JAM2: variants seen among roughly 807,000 people sequenced by gnomAD.
JAM2 encodes the protein junctional adhesion molecule 2.
In JAM2, 17 loss-of-function variants were observed where a neutral mutation model predicts 42.0. That is an observed-to-expected ratio of 0.40 (90% CI 0.28 to 0.61). The LOEUF is 0.61. Among genes scored for constraint, JAM2 ranks in the 20% least tolerant of loss-of-function variants. The pLI is 0.37. For missense variants in JAM2, 319 were observed against 358.3 expected, an observed-to-expected ratio of 0.89 and a Z score of 0.89; for synonymous variants, 118 against 128.6, an observed-to-expected ratio of 0.92 and a Z score of 0.56.
intron 9 of JAM2, chr21:25,714,368 G>T (rs1205919787): frequency 1.5e-5 from 7 of 468,448 alleles, no homozygotes; most frequent in Non-Finnish European, 2.5e-5. Context: ...GCTGGGCATG[G>T]TGGCATGTGC....
At chr21:25,702,139 TA>T (rs745481294) in intron 5 of JAM2, 30 bp from the exon 6 acceptor site, 14 of 1,256,846 alleles carry the variant, frequency 1.1e-5, no homozygotes, top group Middle Eastern at 1.9e-4. Flanking sequence ...ATCTATGGCT[TA>T]AAAAAATATA....
chr21:25,676,924 AT>A (rs958201627), intron 1 of JAM2, among the ~76,000 whole-genome samples: 2 of 152,184 alleles, frequency 1.3e-5, no homozygotes, highest in African/African-American at 4.8e-5. Context: ...AATCTTATAA[AT>A]TTTTTTAATT....
Position 25,706,020 on chromosome 21 carries a change from G to A in JAM2, c.739G>A (p.Val247Met). 1.2e-6 allele frequency: 2 copies of A among 1,613,930 alleles called. No individual in the cohort carries two copies. The highest frequency in any genetic ancestry group is 1.1e-5 in the South Asian group (1 of 91,078). ...ISGIIAAVVV[V>M]ALVISVCGLG... ...TGGCATCATAGCAGCCGTAGTAGTT[G>A]TGGCCTTAGTGATTTCCGTTTGTGG... is the stretch of plus-strand genomic sequence containing the variant. Residue 247 changes from valine to methionine, a missense_variant, in exon 7 of 10, where the codon GTG becomes ATG. Coordinates refer to ENST00000480456, the MANE Select transcript of JAM2 (RefSeq NM_021219.4).
At chr21:25,709,576 C>A in intron 8 of JAM2, 127 bp downstream of exon 8, 1 of 557,068 alleles carries the variant, frequency 1.8e-6, no homozygotes, top group South Asian at 3.2e-5. Flanking sequence ...AGAAGTTACT[C>A]AAGTTTATCA....
At chr21:25,673,108 C>A (rs899857245) in intron 1 of JAM2, among the ~76,000 whole-genome samples, 4 of 152,188 alleles carry the variant, frequency 2.6e-5, no homozygotes, top group African/African-American at 9.7e-5. Context: ...AAAATGGCTT[C>A]TTCATGTCTG....
At chr21:25,670,447 C>T (rs945482857) in intron 1 of JAM2, among the ~76,000 whole-genome samples, 1 of 151,848 alleles carries the variant, frequency 6.6e-6, no homozygotes, top group African/African-American at 2.4e-5. Flanking sequence ...GATCACGCCA[C>T]TGCACTCCAG....
chr21:25,647,247 A>G (rs1017534503), intron 1 of JAM2, among the ~76,000 whole-genome samples: 5 of 151,558 alleles, frequency 3.3e-5, no homozygotes, highest in African/African-American at 1.2e-4. Context: ...AAGTTTACAA[A>G]ACAAGAAATA....
chr21:25,647,521 A>G (rs2032648772), intron 1 of JAM2, among the ~76,000 whole-genome samples: 1 of 152,260 alleles, frequency 6.6e-6, no homozygotes, highest in Non-Finnish European at 1.5e-5. Flanking sequence ...CCTAAAGCTC[A>G]GTCTACAAGC....
chr21:25,657,591 A>C (rs1476771127), intron 1 of JAM2, among the ~76,000 whole-genome samples: 2 of 152,212 alleles, frequency 1.3e-5, no homozygotes, highest in African/African-American at 4.8e-5. Context: ...AAAAAGTATA[A>C]TATAAATAAA....
chr21:25,703,690 C>T (rs1322996751), intron 6 of JAM2, among the ~76,000 whole-genome samples: 3 of 151,586 alleles, frequency 2.0e-5, no homozygotes, highest in African/African-American at 7.3e-5. Context: ...ACTCCACCCA[C>T]ACTGGGCCTT....
chr21:25,693,966 T>C (rs2033940598), intron 4 of JAM2, 58 bp downstream of exon 4: 12 of 1,557,574 alleles, frequency 7.7e-6, no homozygotes, highest in Non-Finnish European at 8.8e-6. Flanking sequence ...CACCCAGCCC[T>C]GGGGGCAAGC....
chr21:25,697,949 ACACT>A (rs1449012813), intron 4 of JAM2, among the ~76,000 whole-genome samples: 3 of 142,262 alleles, frequency 2.1e-5, no homozygotes, highest in Non-Finnish European at 3.1e-5. Flanking sequence ...ACACACACAC[ACACT>A]CTCTCTCTCG....
intron 1 of JAM2, among the ~76,000 whole-genome samples, chr21:25,654,751 T>C (rs1465848685): frequency 6.6e-6 from 1 of 151,702 alleles, no homozygotes; most frequent in Non-Finnish European, 1.5e-5. Flanking sequence ...GAATGAAGCC[T>C]CTCAGCAAGC....
At chr21:25,712,267 A>G (rs2034399343) in intron 8 of JAM2, 73 bp from the exon 9 acceptor site, 1 of 1,023,932 alleles carries the variant, frequency 9.8e-7, no homozygotes. Context: ...AGTAAAATTA[A>G]CTAAAAGAGC....
At chr21:25,674,103 C>T (rs956111452) in intron 1 of JAM2, among the ~76,000 whole-genome samples, 11 of 152,144 alleles carry the variant, frequency 7.2e-5, no homozygotes, top group Non-Finnish European at 1.6e-4. Flanking sequence ...TTATAAGTTA[C>T]GCAGTCTTGG....
chr21:25,664,648 C>T (rs2033173052), intron 1 of JAM2, among the ~76,000 whole-genome samples: 1 of 152,204 alleles, frequency 6.6e-6, no homozygotes, highest in Admixed American at 6.5e-5. Context: ...TCATTCTGTC[C>T]TAGTTTCTCT....
At chr21:25,705,957 C>A (rs1006794608) in intron 6 of JAM2, 22 bp from the exon 7 acceptor site, 1 of 1,477,046 alleles carries the variant, frequency 6.8e-7, no homozygotes, top group Non-Finnish European at 9.5e-7. Context: ...TATATTTATG[C>A]GTAATTTATT....
chr21:25,678,607 ATGGGTCAC>A (rs2033554514), intron 1 of JAM2, among the ~76,000 whole-genome samples: 1 of 152,208 alleles, frequency 6.6e-6, no homozygotes, highest in African/African-American at 2.4e-5. Context: ...ATTGAGCCAC[ATGGGTCAC>A]TGCTTTCTAC....
chr21:25,660,780 ATATTTT>A (rs1263440209), intron 1 of JAM2, among the ~76,000 whole-genome samples: 1 of 58,114 alleles, frequency 1.7e-5, no homozygotes, highest in African/African-American at 1.1e-4. Flanking sequence ...ATATATATAT[ATATTTT>A]TTTTTTTTTT....
Sources: allele counts gnomAD v4.1 joint callset (sites outside exome capture counted in the v4.1 genomes callset), GRCh38; gene constraint gnomAD v4.1.1; transcripts MANE v1.5; gene names NCBI Gene and HGNC (gene_info 2026-07-23, HGNC 2026-07-21).